The following ADGRL2 variants were observed in gnomAD, a reference collection of about 807,000 sequenced individuals.
The protein encoded by ADGRL2 is calcium-independent alpha-latrotoxin receptor 2.
ADGRL2 carries 44 observed loss-of-function variants against 157.4 expected under a neutral mutation model. That is an observed-to-expected ratio of 0.28 (90% CI 0.22 to 0.36). The LOEUF (loss-of-function observed/expected upper bound fraction) is 0.36, where lower values mean the gene tolerates loss of function less well. Among genes scored for constraint, ADGRL2 ranks in the 10% least tolerant of loss-of-function variants. The pLI, the probability that ADGRL2 is intolerant of heterozygous loss-of-function variation, is 1.00. For missense variants in ADGRL2, 1,510 were observed against 1,768.9 expected, an observed-to-expected ratio of 0.85 and a Z score of 2.63; for synonymous variants, 585 against 624.7, an observed-to-expected ratio of 0.94 and a Z score of 0.95.
intron 2 of ADGRL2, among the ~76,000 whole-genome samples, chr1:81,889,870 T>G (rs1002175831): frequency 6.6e-6 from 1 of 152,200 alleles, no homozygotes; most frequent in Admixed American, 6.5e-5. Flanking sequence ...AGGAATTATG[T>G]TAAGTCTGAG....
chr1:81,870,014 AAAC>A (rs1004441678), intron 2 of ADGRL2, among the ~76,000 whole-genome samples: 68 of 147,704 alleles, frequency 4.6e-4, no homozygotes, highest in African/African-American at 1.6e-3. Flanking sequence ...TTTCCTTACA[AAAC>A]AACAATAACA....
At chr1:81,846,682 T>A (rs1290932221) in intron 2 of ADGRL2, among the ~76,000 whole-genome samples, 1 of 151,960 alleles carries the variant, frequency 6.6e-6, no homozygotes, top group Admixed American at 6.6e-5. Flanking sequence ...TTAGTTCTCT[T>A]TTCCCTTACT....
chr1:81,587,940 G>GA (rs1277455833), intron 3 of ADGRL2, among the ~76,000 whole-genome samples: 4 of 152,086 alleles, frequency 2.6e-5, no homozygotes, highest in Admixed American at 1.3e-4. Context: ...GATATGGGTA[G>GA]AAAAAACATG....
At chr1:81,396,382 T>A (rs1360965178) in intron 1 of ADGRL2, among the ~76,000 whole-genome samples, 3 of 152,236 alleles carry the variant, frequency 2.0e-5, no homozygotes, top group Non-Finnish European at 4.4e-5. Flanking sequence ...GGTTATTGGT[T>A]CTAACAGCTT....
intron 1 of ADGRL2, among the ~76,000 whole-genome samples, chr1:81,325,119 T>C (rs1045227773): frequency 2.0e-5 from 3 of 152,176 alleles, no homozygotes; most frequent in African/African-American, 7.2e-5. Flanking sequence ...TTTAGTAAAT[T>C]GTCCACTAGA....
At chr1:81,854,149 G>C (rs1489708436) in intron 2 of ADGRL2, among the ~76,000 whole-genome samples, 1 of 152,134 alleles carries the variant, frequency 6.6e-6, no homozygotes, top group African/African-American at 2.4e-5. Context: ...TAAATGCCAA[G>C]TGCTCAAAAT....
intron 1 of ADGRL2, among the ~76,000 whole-genome samples, chr1:81,370,963 T>G (rs1369014412): frequency 6.6e-6 from 1 of 152,202 alleles, no homozygotes; most frequent in Non-Finnish European, 1.5e-5. Context: ...TAGTGAGTTC[T>G]CTAGTCTAGC....
At chr1:81,800,899 G>A (rs1367505868), upstream of ADGRL2, among the ~76,000 whole-genome samples, 1 of 149,512 alleles carries the variant, frequency 6.7e-6, no homozygotes, top group Non-Finnish European at 1.5e-5. Context: ...GGAGGGGCGC[G>A]AGCTGGCGCA....
intron 2 of ADGRL2, among the ~76,000 whole-genome samples, chr1:81,864,691 G>T (rs919571690): frequency 1.3e-5 from 2 of 152,160 alleles, no homozygotes; most frequent in African/African-American, 4.8e-5. Flanking sequence ...GCTGGGCATG[G>T]TGGCTCACAC....
intron 2 of ADGRL2, among the ~76,000 whole-genome samples, chr1:81,860,010 G>T (rs1278019948): frequency 6.6e-6 from 1 of 151,864 alleles, no homozygotes; most frequent in Non-Finnish European, 1.5e-5. Flanking sequence ...GAATCACAAG[G>T]TCAGGAGTTC....
chr1:81,357,061 A>ACAG (rs1663369257), intron 1 of ADGRL2, among the ~76,000 whole-genome samples: 1 of 151,824 alleles, frequency 6.6e-6, no homozygotes, highest in Non-Finnish European at 1.5e-5. Flanking sequence ...TGTCCAAGGA[A>ACAG]TAGCTAGGTA....
intron 1 of ADGRL2, chr1:81,722,019 G>A: frequency 2.2e-6 from 1 of 463,300 alleles, no homozygotes; most frequent in Admixed American, 2.7e-5. Flanking sequence ...AGGACCAGGC[G>A]CGGTGACTCA....
chr1:81,659,617 G>T (rs1272267300), intron 3 of ADGRL2, among the ~76,000 whole-genome samples: 1 of 151,392 alleles, frequency 6.6e-6, no homozygotes, highest in Non-Finnish European at 1.5e-5. Context: ...GTGTAACATT[G>T]ATGACACTAG....
chr1:81,370,810 G>A (rs1029684507), intron 1 of ADGRL2, among the ~76,000 whole-genome samples: 1 of 152,034 alleles, frequency 6.6e-6, no homozygotes, highest in Admixed American at 6.6e-5. Context: ...TCACTTGTAT[G>A]TAATAAATTT....
chr1:81,309,767 T>C (rs1382404868), intron 1 of ADGRL2, among the ~76,000 whole-genome samples: 1 of 152,162 alleles, frequency 6.6e-6, no homozygotes, highest in Admixed American at 6.5e-5. Flanking sequence ...CTGACTTGTC[T>C]ACTGACAGCC....
intron 17 of ADGRL2, among the ~76,000 whole-genome samples, chr1:81,973,413 G>A (rs1053874401): frequency 1.2e-4 from 19 of 152,100 alleles, no homozygotes; most frequent in African/African-American, 3.9e-4. Context: ...TTTCCTCTAA[G>A]ACCTTCGTCA....
At chr1:81,720,980 C>G (rs1171168424) in intron 1 of ADGRL2, among the ~76,000 whole-genome samples, 1 of 149,910 alleles carries the variant, frequency 6.7e-6, no homozygotes, top group Non-Finnish European at 1.5e-5. Flanking sequence ...CCTACTCCCA[C>G]TAATTTAATA....
At chr1:81,861,455 A>G (rs1557793741) in intron 2 of ADGRL2, among the ~76,000 whole-genome samples, 1 of 152,246 alleles carries the variant, frequency 6.6e-6, no homozygotes, top group Non-Finnish European at 1.5e-5. Context: ...ATGTCAGAAT[A>G]TCATGGCAGG....
In ADGRL2 at chr1:81,943,897, G is replaced by T; in HGVS notation, c.1210+128G>T. ...GTTAAAGGACAAAGGACAATGTTGT[G>T]GTACATTTTAGCCTTATTATGGTTC... On this transcript the variant is annotated intron_variant, in intron 6 of 23. Transcript: ENST00000686636. The surrounding 1 kb of genome is among the most constrained non-coding windows in gnomAD (Gnocchi z 5.6). 1.4e-6 allele frequency: 1 copy of T among 696,724 alleles called. No homozygotes were observed. Among genetic ancestry groups the T allele is most frequent in the South Asian group, 2.0e-5 (1 of 49,892 alleles). 43.2% of individuals were successfully genotyped at this position (696,724 alleles called of 1,614,324 possible).
Sources: allele counts gnomAD v4.1 joint callset (sites outside exome capture counted in the v4.1 genomes callset), GRCh38; gene constraint gnomAD v4.1.1; non-coding constraint Gnocchi (gnomAD v3.1); transcripts MANE v1.5; gene names NCBI Gene and HGNC (gene_info 2026-07-23, HGNC 2026-07-21).